The following ABRAXAS2 variants were observed in gnomAD, a reference collection of about 807,000 sequenced individuals.
The protein encoded by ABRAXAS2 is abraxas 2, BRISC complex subunit, also known as BRISC complex subunit Abraxas 2.
Under a neutral mutation model 49.0 loss-of-function variants are expected in ABRAXAS2, and 23 were observed. The ratio of observed to expected loss-of-function variants is 0.47; its 90% CI spans 0.34 to 0.66. ABRAXAS2 has a LOEUF of 0.66. ABRAXAS2 is among the 30% of genes least tolerant of loss of function. The pLI is 0.01. For synonymous variants in ABRAXAS2, 168 were observed against 180.2 expected (o/e 0.93, Z 0.54); for missense variants, 443 against 511.9 (o/e 0.87, Z 1.30).
At chr10:124,832,639 G>A (rs1049932933) in intron 8 of ABRAXAS2, among the ~76,000 whole-genome samples, 28 of 152,022 alleles carry the variant, frequency 1.8e-4, no homozygotes, top group African/African-American at 6.0e-4. Context: ...GAGGTCAGGA[G>A]TTCAAGACTA....
At position 124,829,466 on chromosome 10, in the gene ABRAXAS2, G is replaced by A; in HGVS notation, c.652G>A (p.Glu218Lys). 1 of 1,601,750 alleles carries A rather than the reference G, an allele frequency of 6.2e-7. No individual in the cohort carries two copies. The highest frequency in any genetic ancestry group is 8.5e-7 in the Non-Finnish European group (1 of 1,171,354). Residue 218 changes from glutamate to lysine, a missense_variant, in exon 7 of 9, where the codon GAG (glutamate) becomes AAG (lysine). This residue lies in a region of ABRAXAS2 where 166 missense variants were observed against 247.3 expected (regional missense o/e 0.67). Transcript: ENST00000298492. ...AIYQVYNALQEKVQAVCADVE... is the reference protein window; with the variant it reads ...AIYQVYNALQKKVQAVCADVE... ...TTATCAGGTTTATAATGCACTTCAG[G>A]AGAAAGTTCAGGTAACTGATTTATT...
intron 3 of ABRAXAS2, 114 bp downstream of exon 3, chr10:124,816,726 C>A: frequency 1.4e-6 from 1 of 737,108 alleles, no homozygotes. Context: ...TACCCAAATC[C>A]ATGTATTTAT....
intron 3 of ABRAXAS2, among the ~76,000 whole-genome samples, chr10:124,817,380 G>A (rs1950831452): frequency 1.3e-5 from 2 of 152,090 alleles, no homozygotes; most frequent in South Asian, 4.1e-4. Flanking sequence ...AGAAAGTCCA[G>A]GGTCTCTTAC....
rs1311134079 is a variant in ABRAXAS2, at chr10:124,806,881, T to C, written c.123T>C (p.Ser41=). Residue 41 remains serine (S), a synonymous_variant, in exon 2 of 9, where the codon AGT becomes AGC. Coordinates refer to ENST00000298492, the MANE Select transcript of ABRAXAS2 (RefSeq NM_032182.4). The stretch of plus-strand genomic sequence containing the variant: ...GACAAGAGGAAACGTTTAGCATCAG[T>C]GACTCACAAATCAGCAACACAGAAT... ...EVRQEETFSI[S]DSQISNTEFL... The C allele has an allele frequency of 5.6e-6, 9 of 1,612,336 alleles. No homozygotes were observed. Among genetic ancestry groups the C allele is most frequent in the Admixed American group, 1.7e-5 (1 of 59,858 alleles).
At chr10:124,804,720 T>TC (rs1033160246) in intron 1 of ABRAXAS2, among the ~76,000 whole-genome samples, 18 of 148,630 alleles carry the variant, frequency 1.2e-4, no homozygotes, top group African/African-American at 3.5e-4. Context: ...TTTCTTTCTT[T>TC]TTTTTTTTTT....
chr10:124,824,150 C>T (rs1950881841), intron 4 of ABRAXAS2, among the ~76,000 whole-genome samples: 1 of 152,172 alleles, frequency 6.6e-6, no homozygotes, highest in Non-Finnish European at 1.5e-5. Flanking sequence ...GATCCTCCTG[C>T]CTTGGCCTCC....
At chr10:124,816,040 T>G (rs1950822885) in intron 2 of ABRAXAS2, among the ~76,000 whole-genome samples, 1 of 151,870 alleles carries the variant, frequency 6.6e-6, no homozygotes, top group Non-Finnish European at 1.5e-5. Context: ...GTAGCTGAGA[T>G]TACAGGCGCC....
intron 3 of ABRAXAS2, among the ~76,000 whole-genome samples, chr10:124,819,053 TTA>T (rs1950843866): frequency 6.6e-6 from 1 of 152,216 alleles, no homozygotes; most frequent in South Asian, 2.1e-4. Context: ...AGCTGCTACG[TTA>T]TCTTTTTTTC....
At chr10:124,810,677 G>A (rs1449368051) in intron 2 of ABRAXAS2, among the ~76,000 whole-genome samples, 2 of 151,378 alleles carry the variant, frequency 1.3e-5, no homozygotes, top group African/African-American at 2.4e-5. Flanking sequence ...CCACCTCCTG[G>A]GTTCGAGTGA....
chr10:124,816,318 AAAT>A (rs1950824954), intron 2 of ABRAXAS2, among the ~76,000 whole-genome samples: 1 of 152,200 alleles, frequency 6.6e-6, no homozygotes, highest in African/African-American at 2.4e-5. Flanking sequence ...GCGTATTCCT[AAAT>A]AATATCTTTC....
chr10:124,802,206 C>T (rs1950709622), intron 1 of ABRAXAS2, among the ~76,000 whole-genome samples: 1 of 152,134 alleles, frequency 6.6e-6, no homozygotes, highest in Admixed American at 6.5e-5. Flanking sequence ...CGGTGGAAAC[C>T]GAGCGCCTGC....
rs1208709476 is a variant in ABRAXAS2 at position 124,834,972 on chromosome 10, C to T, written c.*1C>T. 1 of 1,585,566 alleles carries T rather than the reference C, an allele frequency of 6.3e-7. No individual in the cohort carries two copies. The highest frequency in any genetic ancestry group is 1.9e-5 in the Admixed American group (1 of 53,954). ...GAACACTCAGACCTCCCAGATTTAA[C>T]TAAACAAAAGAAACTCTCCACCTAG... On this transcript the variant is annotated 3_prime_UTR_variant, in exon 9 of 9. Coordinates refer to ENST00000298492, the MANE Select transcript of ABRAXAS2 (RefSeq NM_032182.4).
intron 7 of ABRAXAS2, among the ~76,000 whole-genome samples, chr10:124,829,801 G>A (rs1950919217): frequency 6.6e-6 from 1 of 152,336 alleles, no homozygotes; most frequent in East Asian, 1.9e-4. Context: ...ATTCTAAGTA[G>A]AGACAATATC....
intron 8 of ABRAXAS2, among the ~76,000 whole-genome samples, chr10:124,832,270 A>G (rs1424285742): frequency 6.6e-6 from 1 of 152,158 alleles, no homozygotes; most frequent in Non-Finnish European, 1.5e-5. Flanking sequence ...ATGGATGAAT[A>G]GACACCATTA....
intron 5 of ABRAXAS2, among the ~76,000 whole-genome samples, chr10:124,828,355 T>A (rs186898755): frequency 2.0e-5 from 3 of 152,112 alleles, no homozygotes; most frequent in East Asian, 1.9e-4. Flanking sequence ...ATGCCCTTTT[T>A]AAAAAATTAT....
chr10:124,817,327 A>G (rs185963978), intron 3 of ABRAXAS2, among the ~76,000 whole-genome samples: 181 of 152,306 alleles, frequency 1.2e-3, no homozygotes, highest in African/African-American at 4.1e-3. Flanking sequence ...GAAAGGAGAA[A>G]GCATACAACA....
At chr10:124,829,941 A>G (rs1458766023) in intron 7 of ABRAXAS2, among the ~76,000 whole-genome samples, 1 of 152,244 alleles carries the variant, frequency 6.6e-6, no homozygotes, top group African/African-American at 2.4e-5. Flanking sequence ...TGCAACAGAC[A>G]TCAATGGAAA....
intron 7 of ABRAXAS2, 104 bp from the exon 8 acceptor site, chr10:124,831,245 C>T: frequency 1.4e-6 from 1 of 723,116 alleles, no homozygotes; most frequent in Non-Finnish European, 2.5e-6. Context: ...CTTTTTAACT[C>T]AATAAACCAT....
At chr10:124,820,199 G>A (rs1163453637) in intron 4 of ABRAXAS2, among the ~76,000 whole-genome samples, 1 of 152,302 alleles carries the variant, frequency 6.6e-6, no homozygotes, top group East Asian at 1.9e-4. Context: ...AGGAAGAATA[G>A]GAAGTGTGGA....
Sources: allele counts gnomAD v4.1 joint callset (sites outside exome capture counted in the v4.1 genomes callset), GRCh38; gene constraint gnomAD v4.1.1; regional missense constraint gnomAD v4.1.1; transcripts MANE v1.5; gene names NCBI Gene and HGNC (gene_info 2026-07-23, HGNC 2026-07-21).